The following TNRC6C variants were observed in gnomAD, a reference collection of about 807,000 sequenced individuals.
TNRC6C encodes the protein trinucleotide repeat-containing gene 6C protein.
A neutral mutation model predicts 153.7 loss-of-function variants in TNRC6C; 20 were observed. The observed-to-expected ratio is 0.13, with a 90% CI of 0.09 to 0.19. TNRC6C has a LOEUF of 0.19. TNRC6C is among the 10% of genes least tolerant of loss of function. The probability of loss-of-function intolerance (pLI) is 1.00; values close to 1 mark genes in which losing one functional copy is unlikely to be tolerated. For missense variants in TNRC6C, 1,987 were observed against 2,172.0 expected (o/e 0.91, Z 1.69); for synonymous variants, 811 against 841.4 (o/e 0.96, Z 0.63).
At chr17:78,014,710 C>G (rs966429379) in intron 1 of TNRC6C, among the ~76,000 whole-genome samples, 1 of 150,844 alleles carries the variant, frequency 6.6e-6, no homozygotes, top group African/African-American at 2.4e-5. Context: ...TACCTCTGAA[C>G]GGCATTTCTC....
At chr17:78,077,452 A>G in intron 9 of TNRC6C, 118 bp downstream of exon 11, 1 of 1,329,726 alleles carries the variant, frequency 7.5e-7, no homozygotes, top group Non-Finnish European at 1.0e-6. Context: ...AATGTGACTG[A>G]AAAAGTAGTT....
upstream of TNRC6C, among the ~76,000 whole-genome samples, chr17:77,958,869 C>A (rs1239734788): frequency 8.9e-5 from 13 of 146,730 alleles, no homozygotes; most frequent in Admixed American, 8.8e-4. Flanking sequence ...CCGCCGTCAC[C>A]GTCGCAGTAG....
Position 78,102,550 on chromosome 17 carries a change from A to G in TNRC6C, c.4572+6A>G. The G allele has an allele frequency of 1.3e-6, 2 of 1,596,880 alleles. No homozygotes were observed. Among genetic ancestry groups the G allele is most frequent in the Non-Finnish European group, 1.7e-6 (2 of 1,171,606 alleles). ...TTCGAAACCTCACTCCCCAGGTGCA[A>G]TATGGTGCCCCTGCATCACTGAGCA... On this transcript the variant is annotated splice_donor_region_variant and intron_variant, in intron 18 of 19. Transcript: ENST00000301624.
intron 3 of TNRC6C, among the ~76,000 whole-genome samples, 176 bp from the exon 6 acceptor site, chr17:78,064,546 C>A (rs1440333960): frequency 6.6e-6 from 1 of 152,142 alleles, no homozygotes; most frequent in Non-Finnish European, 1.5e-5. Context: ...TTTTAAAATA[C>A]AAAGCTAAAC....
chr17:78,101,977 C>T (rs1478500562), intron 17 of TNRC6C, among the ~76,000 whole-genome samples: 1 of 151,974 alleles, frequency 6.6e-6, no homozygotes, highest in East Asian at 1.9e-4. Flanking sequence ...GTGGGAATCA[C>T]GGGAGTTACA....
chr17:78,093,259 T>G, intron 15 of TNRC6C, 135 bp downstream of exon 17: 1 of 1,038,472 alleles, frequency 9.6e-7, no homozygotes, highest in Non-Finnish European at 1.4e-6. Flanking sequence ...CTTTGGCATT[T>G]TCCTTGGAAA....
At chr17:78,006,554 T>TC (rs1340622652) in intron 1 of TNRC6C, among the ~76,000 whole-genome samples, 1,340 of 63,498 alleles carry the variant, frequency 0.021, 46 homozygotes, top group African/African-American at 0.08. Context: ...TTCTTCTTCT[T>TC]CTTCTTCCTT....
At chr17:77,988,569 G>A (rs1475598235) in intron 1 of TNRC6C, among the ~76,000 whole-genome samples, 1 of 152,156 alleles carries the variant, frequency 6.6e-6, no homozygotes, top group African/African-American at 2.4e-5. Flanking sequence ...TGAGCATAGA[G>A]TCCACAAAAG....
intron 7 of TNRC6C, among the ~76,000 whole-genome samples, chr17:78,073,611 A>T (rs1179426213): frequency 6.6e-6 from 1 of 152,178 alleles, no homozygotes; most frequent in South Asian, 2.1e-4. Context: ...CTTGGTAGTT[A>T]TGTTCTATAA....
At position 78,036,781 on chromosome 17, in the gene TNRC6C, G is replaced by A. The variant is rs562439925; in HGVS notation, c.-219+4939G>A. ...TCTACTAAAAATACAAAAATTAGCT[G>A]GGTGTGATGGTAGGCGCCTGTAACC... On this transcript the variant is annotated intron_variant, in intron 2 of 19. Transcript: ENST00000301624. Among the ~76,000 whole-genome samples the A allele has an allele frequency of 6.6e-5, 10 of 152,002 alleles. No individual in the cohort carries two copies. In the East Asian group the frequency reaches 1.4e-3, roughly 21 times the overall value.
At chr17:77,988,312 G>A (rs553301458) in intron 1 of TNRC6C, among the ~76,000 whole-genome samples, 107 of 152,240 alleles carry the variant, frequency 7.0e-4, no homozygotes, top group African/African-American at 2.5e-3. Flanking sequence ...CCAGGAGGTC[G>A]AGTGAACTCT....
intron 1 of TNRC6C, among the ~76,000 whole-genome samples, chr17:77,994,039 A>G (rs139572062): frequency 3.0e-4 from 45 of 152,270 alleles, no homozygotes; most frequent in African/African-American, 1.1e-3. Context: ...CTGAAAATAC[A>G]AAAATTAGCC....
chr17:78,006,551 TCTTCTTCTTC>T lies in TNRC6C; in HGVS notation c.-546+1480_-546+1489del, dbSNP rs1439840938. ...TTCTTCTTCTTCTTCTTCTTCTTCT[TCTTCTTCTTC>T]CTTCTTCCTTCTTCCTTCTTCTTCC... On this transcript the variant is annotated intron_variant, in intron 1 of 19. Transcript: ENST00000301624. Among the ~76,000 whole-genome samples, 164 of 94,992 alleles carry T rather than the reference TCTTCTTCTTC, an allele frequency of 1.7e-3. 2 individuals carry two copies. The highest frequency in any genetic ancestry group is 5.7e-3 in the South Asian group (16 of 2,794). The allele number at this position is 94,992 out of a possible 152,430, so 62.3% of individuals were successfully genotyped here. A position where few individuals can be genotyped will look rare whatever the true frequency, so the allele number is the denominator to read the frequency against.
chr17:78,074,160 G>T (rs550520735), intron 7 of TNRC6C, among the ~76,000 whole-genome samples: 1 of 152,066 alleles, frequency 6.6e-6, no homozygotes, highest in Middle Eastern at 3.2e-3. Flanking sequence ...GCACCACACA[G>T]GGGGACCATT....
At chr17:77,962,264 A>T (rs1031170392) in intron 1 of TNRC6C, among the ~76,000 whole-genome samples, 2 of 152,198 alleles carry the variant, frequency 1.3e-5, no homozygotes, top group African/African-American at 4.8e-5. Context: ...CATTTAAAAG[A>T]CTATTTGGGG....
chr17:77,984,460 G>T (rs2071130172), intron 1 of TNRC6C, among the ~76,000 whole-genome samples: 1 of 152,102 alleles, frequency 6.6e-6, no homozygotes, highest in African/African-American at 2.4e-5. Context: ...TGAGGCTGCA[G>T]TGAGCTGTGG....
intron 3 of TNRC6C, among the ~76,000 whole-genome samples, chr17:78,059,703 G>C (rs1409061791): frequency 4.6e-5 from 7 of 151,906 alleles, no homozygotes; most frequent in Non-Finnish European, 8.8e-5. Context: ...ACAAAAATTA[G>C]CTGGGCATAG....
chr17:78,030,134 TAA>T (rs895676262), intron 1 of TNRC6C, among the ~76,000 whole-genome samples: 2 of 147,206 alleles, frequency 1.4e-5, no homozygotes, highest in African/African-American at 5.4e-5. Flanking sequence ...CTACTGTACA[TAA>T]TGTATGTGCT....
At chr17:78,024,834 G>A (rs2071906369) in intron 1 of TNRC6C, among the ~76,000 whole-genome samples, 1 of 149,152 alleles carries the variant, frequency 6.7e-6, no homozygotes, top group Non-Finnish European at 1.5e-5. Flanking sequence ...TTGCTCTGTT[G>A]CCCAGGCTGG....
Sources: allele counts gnomAD v4.1 joint callset (sites outside exome capture counted in the v4.1 genomes callset), GRCh38; gene constraint gnomAD v4.1.1; transcripts MANE v1.5; gene names NCBI Gene and HGNC (gene_info 2026-07-23, HGNC 2026-07-21).